The following SPPL2B variants were observed in gnomAD, a reference collection of about 807,000 sequenced individuals.
SPPL2B encodes signal peptide peptidase-like 2B.
SPPL2B carries 39 observed loss-of-function variants against 59.7 expected under a neutral mutation model. That is an observed-to-expected ratio of 0.65 (90% CI 0.51 to 0.85). The LOEUF is 0.85. SPPL2B is among the 40% of genes least tolerant of loss of function. SPPL2B has a pLI of 0.00. For synonymous variants in SPPL2B, 419 were observed against 370.8 expected, an observed-to-expected ratio of 1.13 and a Z score of -1.49; for missense variants, 865 against 849.0, an observed-to-expected ratio of 1.02 and a Z score of -0.23.
Position 2,338,829 on chromosome 19 carries a change from G to A in SPPL2B, c.447G>A (p.Leu149=). The part of the protein sequence containing the change: ...PVALLSYKDM[L]DIFTRFGRTV... ...CCCTGCTCAGCTACAAAGACATGCT[G>A]GACATCTTCACGGTAGGTCTGCGCC... The change falls in exon 4 of 15, where the codon CTG becomes CTA. Residue 149 remains leucine, a synonymous_variant. Transcript: ENST00000613503. 7 of 1,613,464 alleles carry A rather than the reference G, an allele frequency of 4.3e-6. No homozygotes were observed. Among genetic ancestry groups the A allele is most frequent in the Non-Finnish European group, 5.9e-6 (7 of 1,179,612 alleles).
rs1250842685 is a variant in SPPL2B, at chr19:2,332,720, C to CCAA, written c.67-1882_67-1881insCAA. ...GGGTGGGTCTCCTTGGTCCCTGGCA[C>CCAA]GTGGTTTTTCTTCTGGGACCCCTCC... On this transcript the variant is annotated intron_variant, in intron 1 of 14. Transcript: ENST00000613503. The surrounding 1 kb of genome is among the most constrained non-coding windows in gnomAD (Gnocchi z 4.6). 1.3e-5 allele frequency among the ~76,000 whole-genome samples: 2 copies of CCAA among 152,138 alleles called. No homozygotes were observed. Among genetic ancestry groups the CCAA allele is most frequent in the African/African-American group, 4.8e-5 (2 of 41,432 alleles).
rs575867738 is a variant in SPPL2B at position 2,341,064 on chromosome 19, C to T, written c.956+50C>T. ...CGGCGGGCAGCGGAGTCCTCGGGTG[C>T]ACCAGGGCTCCTGGGGCCCTGACTC... is the stretch of plus-strand genomic sequence containing the variant. On this transcript the variant is annotated intron_variant, in intron 8 of 14. Coordinates refer to ENST00000613503, the MANE Select transcript of SPPL2B (RefSeq NM_152988.3). 52 of 1,305,776 alleles carry T rather than the reference C, an allele frequency of 4.0e-5. No homozygotes were observed. The African/African-American group carries it at 6.6e-4, about 17-fold the overall frequency. The allele number at this position is 1,305,776 out of a possible 1,614,324, so 80.9% of individuals were successfully genotyped here.
At chr19:2,331,375 G>T (rs1459689761) in intron 1 of SPPL2B, among the ~76,000 whole-genome samples, 2 of 152,230 alleles carry the variant, frequency 1.3e-5, no homozygotes, top group African/African-American at 2.4e-5. Flanking sequence ...GGAGGTCGAG[G>T]CTTGGGCTTT....
rs145305132 is a variant in SPPL2B at position 2,341,918 on chromosome 19, A to G, written c.956+904A>G. The G allele has an allele frequency of 8.4e-3, 1,908 of 226,938 alleles. 18 individuals carry two copies. The highest frequency in any genetic ancestry group is 0.013 in the Non-Finnish European group (1,417 of 111,392). The allele number at this position is 226,938 out of a possible 1,614,324, so 14.1% of individuals were successfully genotyped here. On this transcript the variant is annotated intron_variant, in intron 8 of 14. Transcript: ENST00000613503. The stretch of plus-strand genomic sequence containing the variant: ...TCAAGACCAGCCTGGGCAACAAGCG[A>G]GACGCCCTATTTAAGAAATAATATA...
intron 13 of SPPL2B, among the ~76,000 whole-genome samples, chr19:2,350,804 G>A (rs1969885562): frequency 6.6e-6 from 1 of 152,252 alleles, no homozygotes; most frequent in Non-Finnish European, 1.5e-5. Flanking sequence ...TTACGTCAGG[G>A]ACATGAGCAA....
At chr19:2,343,155 C>T (rs1242898478) in intron 8 of SPPL2B, 56 bp from the exon 9 acceptor site, 17 of 1,421,312 alleles carry the variant, frequency 1.2e-5, no homozygotes, top group East Asian at 7.5e-5. Context: ...TGGGAGGCGG[C>T]GTCCTGGGTG....
chr19:2,332,486 C>A lies in SPPL2B; in HGVS notation c.67-2116C>A, dbSNP rs565023835. 6.6e-6 allele frequency among the ~76,000 whole-genome samples: 1 copy of A among 152,204 alleles called. No homozygotes were observed. The highest frequency in any genetic ancestry group is 1.5e-5 in the Non-Finnish European group (1 of 68,038). On this transcript the variant is annotated intron_variant, in intron 1 of 14. Transcript: ENST00000613503. The surrounding 1 kb of genome is among the most constrained non-coding windows in gnomAD (Gnocchi z 4.6). ...CGTTGTGGTGTCGGCCCGTTTGGTG[C>A]GCAGCTCAGCATCCGTTCAGACATG... is the stretch of plus-strand genomic sequence containing the variant.
At chr19:2,338,641 C>T in intron 3 of SPPL2B, 111 bp from the exon 4 acceptor site, 1 of 702,420 alleles carries the variant, frequency 1.4e-6, no homozygotes, top group East Asian at 2.9e-5. Context: ...CGCCCCCAGC[C>T]TGACCCGAGC....
At chr19:2,336,515 AGT>A (rs754183705) in intron 2 of SPPL2B, among the ~76,000 whole-genome samples, 51 of 150,326 alleles carry the variant, frequency 3.4e-4, no homozygotes, top group East Asian at 7.9e-4. Flanking sequence ...TGTGCGTGTG[AGT>A]GTGTGAGTTC....
In SPPL2B at chr19:2,340,933, G is replaced by A. The variant is rs758515137; in HGVS notation, c.875G>A (p.Arg292His). ...PNNSLPYFHK[R>H]PQARMLLLAL... ...AACAGCCTGCCCTACTTCCACAAGC[G>A]CCCGCAGGCCCGTATGCTGCTCCTG... Residue 292 changes from arginine (R) to histidine (H), a missense_variant, in exon 8 of 15, where the codon CGC (arginine) becomes CAC (histidine). Coordinates refer to ENST00000613503, the MANE Select transcript of SPPL2B (RefSeq NM_152988.3). 2 of 1,600,986 alleles carry A rather than the reference G, an allele frequency of 1.2e-6. No individual in the cohort carries two copies. The highest frequency in any genetic ancestry group is 2.2e-5 in the East Asian group (1 of 44,862).
intron 2 of SPPL2B, among the ~76,000 whole-genome samples, chr19:2,335,529 CTT>C (rs1968540783): frequency 6.7e-6 from 1 of 150,314 alleles, no homozygotes; most frequent in African/African-American, 2.5e-5. Context: ...TCCTTTCTCA[CTT>C]CATCCCTCAG....
chr19:2,353,340 C>A lies in SPPL2B; in HGVS notation c.*131C>A. The A allele has an allele frequency of 8.7e-7, 1 of 1,150,906 alleles. No individual in the cohort carries two copies. The highest frequency in any genetic ancestry group is 1.2e-6 in the Non-Finnish European group (1 of 839,956). 71.3% of individuals were successfully genotyped at this position (1,150,906 alleles called of 1,614,324 possible). On this transcript the variant is annotated 3_prime_UTR_variant, in exon 15 of 15. Transcript: ENST00000613503. ...CCTGTGCCGTCCCCACCCGCCCCAA[C>A]ATGGTGCTCATCCTTGCCGAGACCC...
At chr19:2,351,660 T>G in intron 14 of SPPL2B, 66 bp downstream of exon 14, 1 of 1,546,904 alleles carries the variant, frequency 6.5e-7, no homozygotes, top group Non-Finnish European at 8.8e-7. Flanking sequence ...GAGTTAAAGT[T>G]GAGTGAGACC....
rs371075047 is a variant in SPPL2B, at chr19:2,348,416, C to T, written c.1355-3018C>T. On this transcript the variant is annotated intron_variant, in intron 13 of 14. Coordinates refer to ENST00000613503, the MANE Select transcript of SPPL2B (RefSeq NM_152988.3). ...ACACACAGACTCACGCGCTCTCATTCGCTTGATTCCATTCTCTCCCTCCAC... is the reference window on the plus strand; with the variant it reads ...ACACACAGACTCACGCGCTCTCATTTGCTTGATTCCATTCTCTCCCTCCAC... Among the ~76,000 whole-genome samples the T allele has an allele frequency of 4.8e-4, 52 of 107,520 alleles. 1 individual carries two copies. The South Asian group carries it at 7.5e-3, about 15-fold the overall frequency. The allele number at this position is 107,520 out of a possible 152,430, so 70.5% of individuals were successfully genotyped here.
intron 2 of SPPL2B, among the ~76,000 whole-genome samples, chr19:2,335,285 ATCCT>A (rs1968509443): frequency 2.4e-5 from 3 of 125,510 alleles, no homozygotes; most frequent in Non-Finnish European, 4.9e-5. Flanking sequence ...TTCCCACTGC[ATCCT>A]TCAGGCCCCG....
In SPPL2B at chr19:2,335,618, C is replaced by T. The variant is rs569759807; in HGVS notation, c.186+897C>T. Among the ~76,000 whole-genome samples, 15 of 150,692 alleles carry T rather than the reference C, an allele frequency of 1.0e-4. No homozygotes were observed. In the South Asian group the frequency reaches 3.0e-3, roughly 30 times the overall value. On this transcript the variant is annotated intron_variant, in intron 2 of 14. Coordinates refer to ENST00000613503, the MANE Select transcript of SPPL2B (RefSeq NM_152988.3). ...ACACCCCTCTGTCCCTGCCTCCTTT[C>T]CCACTGCATCCTTCAGGCCCCGCCT...
In SPPL2B at chr19:2,353,042, G is replaced by A. The variant is rs369975408; in HGVS notation, c.1612G>A (p.Glu538Lys). 9.3e-6 allele frequency: 15 copies of A among 1,611,810 alleles called. No homozygotes were observed. Among genetic ancestry groups the A allele is most frequent in the Admixed American group, 5.0e-5 (3 of 59,926 alleles). The change falls in exon 15 of 15, where the codon GAA becomes AAA. Residue 538 changes from glutamate (E) to lysine (K), a missense_variant. Glu to Lys is a moderately conservative substitution (Grantham distance 56). Coordinates refer to ENST00000613503, the MANE Select transcript of SPPL2B (RefSeq NM_152988.3). The part of the protein sequence containing the change: ...ATPLSPQPPS[E>K]EPATSPWPAE... Reference sequence around the variant, plus strand: ...GCCACTCTCCCCGCAGCCGCCCAGCGAAGAACCAGCCACATCCCCCTGGCC... The same window carrying A: ...GCCACTCTCCCCGCAGCCGCCCAGCAAAGAACCAGCCACATCCCCCTGGCC...
chr19:2,332,594 G>A lies in SPPL2B; in HGVS notation c.67-2008G>A, dbSNP rs115860905. The stretch of plus-strand genomic sequence containing the variant: ...AGGTCCCCTGGGGACCAGGGGGTGC[G>A]GCTGTCTCTCTGTCTGGGAGGTTTA... On this transcript the variant is annotated intron_variant, in intron 1 of 14. Transcript: ENST00000613503. This position sits in a 1 kb window ranked among gnomAD's most constrained non-coding sequence, Gnocchi z 4.6. Among the ~76,000 whole-genome samples the A allele has an allele frequency of 1.5e-3, 221 of 152,296 alleles. 2 individuals are homozygous for A. Among genetic ancestry groups the A allele is most frequent in the African/African-American group, 5.1e-3 (212 of 41,568 alleles).
Position 2,339,180 on chromosome 19 carries a change from T to C in SPPL2B, c.571T>C (p.Tyr191His). 6.2e-7 allele frequency: 1 copy of C among 1,604,786 alleles called. No homozygotes were observed. Among genetic ancestry groups the C allele is most frequent in the South Asian group, 1.1e-5 (1 of 89,668 alleles). Residue 191 changes from tyrosine to histidine, a missense_variant, in exon 5 of 15, where the codon TAC becomes CAC. Coordinates refer to ENST00000613503, the MANE Select transcript of SPPL2B (RefSeq NM_152988.3). ...TGTGGGCACCGTCGCCATCGGCGGC[T>C]ACTGGGCCGGGAGTCGGGACGTGAA... Reference protein sequence around the residue: ...MAVGTVAIGGYWAGSRDVKKR... With the variant: ...MAVGTVAIGGHWAGSRDVKKR...
Sources: gnomAD v4.1 joint callset for allele counts (sites outside exome capture counted in the v4.1 genomes callset) on GRCh38, gnomAD v4.1.1 for gene constraint, Gnocchi (gnomAD v3.1) non-coding constraint, MANE v1.5 for transcripts, NCBI Gene and HGNC (gene_info 2026-07-23, HGNC 2026-07-21) for gene names.